SLC26A1: variants seen among roughly 807,000 people sequenced by gnomAD.
SLC26A1 encodes the protein solute carrier family 26 member 1, also known as sulfate anion transporter 1.
In SLC26A1, 18 loss-of-function variants were observed where a neutral mutation model predicts 14.5. The observed-to-expected ratio is 1.24, with a 90% CI of 0.86 to 1.84. The LOEUF (loss-of-function observed/expected upper bound fraction) is 1.84, where lower values mean the gene tolerates loss of function less well. Among genes scored for constraint, SLC26A1 ranks in the 40% most tolerant of loss-of-function variants. SLC26A1 has a pLI of 0.00. For missense variants in SLC26A1, 1,049 were observed against 1,020.0 expected, an observed-to-expected ratio of 1.03 and a Z score of -0.39; for synonymous variants, 505 against 492.0, an observed-to-expected ratio of 1.03 and a Z score of -0.35.
At chr4:979,491 C>G (rs1417139900) in exon 3 of SLC26A1, 4 of 1,613,872 alleles carry the variant, frequency 2.5e-6, no homozygotes, top group African/African-American at 1.3e-5. Flanking sequence ...GAAGCTGTTT[C>G]TACCCCAGGA....
chr4:981,177 G>C (rs1713530290), intron 2 of SLC26A1, among the ~76,000 whole-genome samples: 1 of 152,258 alleles, frequency 6.6e-6, no homozygotes, highest in South Asian at 2.1e-4. Flanking sequence ...GGCTGCGCCG[G>C]GACCTCCACT....
At chr4:992,286 C>T in intron 1 of SLC26A1, 1 of 439,090 alleles carries the variant, frequency 2.3e-6, no homozygotes, top group South Asian at 1.6e-5. Context: ...CTCCCTCCCC[C>T]ATCCAAACCA....
rs768588786 is a variant in SLC26A1 at position 991,651 on chromosome 4, C to T, written c.53G>A (p.Arg18Gln). Residue 18 changes from arginine to glutamine, a missense_variant, in exon 2 of 3, where the codon CGA (arginine) becomes CAA (glutamine). Physicochemically the swap from Arg to Gln is conservative, Grantham distance 43. Transcript: ENST00000398516. ...LQQGRGPVPV[R>Q]RQRPAPRGLR... ...ACCCCGGGGTGCTGGGCGCTGCCGTCGGACCGGCACCGGCCCTCTGCCCTG... is the reference window on the plus strand; with the variant it reads ...ACCCCGGGGTGCTGGGCGCTGCCGTTGGACCGGCACCGGCCCTCTGCCCTG... 55 of 1,549,498 alleles carry T rather than the reference C, an allele frequency of 3.5e-5. 1 individual carries two copies. The highest frequency in any genetic ancestry group is 1.6e-4 in the East Asian group (7 of 44,462).
At chr4:979,572 G>A (rs553601493) in intron 2 of SLC26A1, 16 of 1,592,012 alleles carry the variant, frequency 1.0e-5, no homozygotes, top group African/African-American at 9.4e-5. Flanking sequence ...ACAGCCAAAC[G>A]TCCCCCTGCC....
In SLC26A1 at chr4:989,142, C is replaced by T; in HGVS notation, c.1797G>A (p.Arg599=). ...QGEDLGPVST[R]AALVPAAAGF... is the part of the protein sequence containing the mutation. ...CGGCCGCTGCGGGCACCAGCGCAGC[C>T]CTGGTGCTAACCGGGCCCAGGTCCT... Residue 599 remains arginine (R), a synonymous_variant, in exon 3 of 3, where the codon AGG becomes AGA. Transcript: ENST00000398516. 1 of 1,608,148 alleles carries T rather than the reference C, an allele frequency of 6.2e-7. No homozygotes were observed. The highest frequency in any genetic ancestry group is 1.3e-5 in the African/African-American group (1 of 74,890).
intron 2 of SLC26A1, among the ~76,000 whole-genome samples, chr4:980,338 C>T (rs995197384): frequency 1.3e-5 from 2 of 152,284 alleles, no homozygotes; most frequent in Non-Finnish European, 2.9e-5. Flanking sequence ...ATAATCCCAG[C>T]ACTTTGGGAG....
rs550097899 is a variant in SLC26A1, at chr4:988,732, C to T, written c.*101G>A. The stretch of plus-strand genomic sequence containing the variant: ...GCAGCTGTGGCACAAGAGTGCAGCT[C>T]TTGGGTGGCTCCTCCCTGGGAAGGG... On this transcript the variant is annotated 3_prime_UTR_variant, in exon 3 of 3. Coordinates refer to ENST00000398516, the MANE Select transcript of SLC26A1 (RefSeq NM_022042.4). 366 of 1,431,938 alleles carry T rather than the reference C, an allele frequency of 2.6e-4. No individual in the cohort carries two copies. The highest frequency in any genetic ancestry group is 3.1e-4 in the Non-Finnish European group (341 of 1,095,936). The allele number at this position is 1,431,938 out of a possible 1,614,324, so 88.7% of individuals were successfully genotyped here.
In SLC26A1 at chr4:990,962, G is replaced by T. The variant is rs531190436; in HGVS notation, c.576+166C>A. On this transcript the variant is annotated intron_variant, in intron 2 of 2. Transcript: ENST00000398516. Reference sequence around the variant, plus strand: ...CACAGCCTCTCCGCGTCGGTGCCTCGCCCTGGGATGCCCCGGCACGCCCCA... The same window carrying T: ...CACAGCCTCTCCGCGTCGGTGCCTCTCCCTGGGATGCCCCGGCACGCCCCA... 3 of 675,674 alleles carry T rather than the reference G, an allele frequency of 4.4e-6. No homozygotes were observed. In the Admixed American group the frequency reaches 1.0e-4, roughly 23 times the overall value. The allele number at this position is 675,674 out of a possible 1,614,324, so 41.9% of individuals were successfully genotyped here.
intron 2 of SLC26A1, 47 bp downstream of exon 2, chr4:991,081 G>C: frequency 6.7e-7 from 1 of 1,493,658 alleles, no homozygotes; most frequent in Non-Finnish European, 8.9e-7. Context: ...CAAAACCTAA[G>C]GGGGGGTGCC....
rs758190824 is a variant in SLC26A1, at chr4:987,809, C to T, written c.*1024G>A. ...TGAGCCGCCCCTTTGTTGTCCCCAG[C>T]CCCCCGCTGCCACACAGCCAGGCTG... On this transcript the variant is annotated 3_prime_UTR_variant, in exon 3 of 3. Coordinates refer to ENST00000398516, the MANE Select transcript of SLC26A1 (RefSeq NM_022042.4). 11 of 1,612,124 alleles carry T rather than the reference C, an allele frequency of 6.8e-6. No individual in the cohort carries two copies. The highest frequency in any genetic ancestry group is 1.7e-5 in the Admixed American group (1 of 59,984).
chr4:991,444 G>A lies in SLC26A1; in HGVS notation c.260C>T (p.Ala87Val), dbSNP rs1272027896. The A allele has an allele frequency of 3.1e-6, 5 of 1,612,784 alleles. No individual in the cohort carries two copies. Among genetic ancestry groups the A allele is most frequent in the Non-Finnish European group, 3.4e-6 (4 of 1,179,944 alleles). The change falls in exon 2 of 3, where the codon GCC becomes GTC. Residue 87 changes from alanine to valine, a missense_variant. Transcript: ENST00000398516. ...CCCGGCCAGCAATGAGTAGGCGATGGCCTGCGGCACCAGGATGATGCCGAT... is the reference window on the plus strand; with the variant it reads ...CCCGGCCAGCAATGAGTAGGCGATGACCTGCGGCACCAGGATGATGCCGAT... ...LVIGIILVPQ[A>V]IAYSLLAGLQ...
downstream of SLC26A1, among the ~76,000 whole-genome samples, chr4:985,606 T>C (rs1297311809): frequency 6.6e-6 from 1 of 152,222 alleles, no homozygotes; most frequent in Admixed American, 6.5e-5. Flanking sequence ...TACCCCGCTG[T>C]TCCTGGAGAC....
At chr4:979,300 T>C (rs1713466231) in exon 3 of SLC26A1, 2 of 730,364 alleles carry the variant, frequency 2.7e-6, no homozygotes, top group South Asian at 3.3e-5. Context: ...CCCCAGGTGC[T>C]GATCCAAGCC....
intron 2 of SLC26A1, among the ~76,000 whole-genome samples, chr4:980,304 G>C (rs1009988939): frequency 6.6e-6 from 1 of 152,180 alleles, no homozygotes; most frequent in African/African-American, 2.4e-5. Context: ...ACAGAAAATA[G>C]GCTGGGTGCG....
Position 987,811 on chromosome 4 carries a change from C to T in SLC26A1, c.*1022G>A, listed in dbSNP as rs2153015595. On this transcript the variant is annotated 3_prime_UTR_variant, in exon 3 of 3. Transcript: ENST00000398516. Reference sequence around the variant, plus strand: ...AGCCGCCCCTTTGTTGTCCCCAGCCCCCCGCTGCCACACAGCCAGGCTGAC... The same window carrying T: ...AGCCGCCCCTTTGTTGTCCCCAGCCTCCCGCTGCCACACAGCCAGGCTGAC... 1 of 1,612,366 alleles carries T rather than the reference C, an allele frequency of 6.2e-7. No homozygotes were observed. The highest frequency in any genetic ancestry group is 8.5e-7 in the Non-Finnish European group (1 of 1,179,854).
Position 988,991 on chromosome 4 carries a change from T to G in SLC26A1, c.1948A>C (p.Ser650Arg). The change falls in exon 3 of 3, where the codon AGC (serine) becomes CGC (arginine). Residue 650 changes from serine to arginine, a missense_variant. Coordinates refer to ENST00000398516, the MANE Select transcript of SLC26A1 (RefSeq NM_022042.4). ...CTCAGAATGTCTCTCACAGGCGGGCTGCAGCAGGCTAGCAGCAGGCTGATG... is the reference window on the plus strand; with the variant it reads ...CTCAGAATGTCTCTCACAGGCGGGCGGCAGCAGGCTAGCAGCAGGCTGATG... ...LGISLLLACC[S>R]PPVRDILSRG... 1 of 1,593,130 alleles carries G rather than the reference T, an allele frequency of 6.3e-7. No homozygotes were observed. Among genetic ancestry groups the G allele is most frequent in the South Asian group, 1.1e-5 (1 of 88,504 alleles).
downstream of SLC26A1, among the ~76,000 whole-genome samples, chr4:983,541 C>T (rs1713610892): frequency 6.6e-6 from 1 of 152,226 alleles, no homozygotes; most frequent in Non-Finnish European, 1.5e-5. Context: ...CTGGGCTCCC[C>T]CAGGAGTCTG....
downstream of SLC26A1, among the ~76,000 whole-genome samples, chr4:983,428 G>C (rs1160301617): frequency 1.3e-5 from 2 of 152,228 alleles, no homozygotes; most frequent in African/African-American, 4.8e-5. Flanking sequence ...TGCCTTGTTT[G>C]ACTGTATGTG....
chr4:987,136 C>T (rs2153015176), downstream of SLC26A1: 2 of 1,423,062 alleles, frequency 1.4e-6, no homozygotes, highest in South Asian at 2.9e-5. Flanking sequence ...GGCCTCGCTC[C>T]TGGCCGCGCC....
Sources: gnomAD v4.1 joint callset for allele counts (sites outside exome capture counted in the v4.1 genomes callset) on GRCh38, gnomAD v4.1.1 for gene constraint, MANE v1.5 for transcripts, NCBI Gene and HGNC (gene_info 2026-07-23, HGNC 2026-07-21) for gene names.